The following ADAD2 variants were observed in gnomAD, a reference collection of about 807,000 sequenced individuals.
The protein encoded by ADAD2 is adenosine deaminase domain containing 2.
ADAD2 carries 60 observed loss-of-function variants against 54.5 expected under a neutral mutation model. That is an observed-to-expected ratio of 1.10 (90% CI 0.89 to 1.36). The LOEUF (loss-of-function observed/expected upper bound fraction) is 1.36. Among genes scored for constraint, ADAD2 ranks in the 40% most tolerant of loss-of-function variants. ADAD2 has a pLI of 0.00. For synonymous variants in ADAD2, 543 were observed against 366.2 expected (o/e 1.48, Z -5.51); for missense variants, 1,103 against 801.3 (o/e 1.38, Z -4.54).
chr16:84,195,616 GA>G lies in ADAD2; in HGVS notation c.972del (p.Pro326HisfsTer51). ...GTGCTGGCCCCCCAGCCAGGGCCCG[GA>G]CCCCCATTCACCCTCAAGCCCCGCG... is the stretch of plus-strand genomic sequence containing the variant. ...QSVLAPQPGPGPPFTLKPRVF... is the reference protein window; with the variant it reads ...QSVLAPQPGPXPPFTLKPRVF... On this transcript the variant is annotated frameshift_variant, in exon 6 of 10. Coordinates refer to ENST00000315906, the MANE Select transcript of ADAD2 (RefSeq NM_001145400.2). LOFTEE classifies it high-confidence loss of function. 1 of 1,605,016 alleles carries G rather than the reference GA, an allele frequency of 6.2e-7. No individual in the cohort carries two copies. Among genetic ancestry groups the G allele is most frequent in the Non-Finnish European group, 8.5e-7 (1 of 1,176,068 alleles).
rs1453708455 is a variant in ADAD2 at position 84,196,280 on chromosome 16, C to G, written c.1436C>G (p.Pro479Arg). ...CCGGTGGCCCCTTCCGAACCCACCC[C>G]TGACACCTGCCGTGGCCTGAGCCTC... ...GPPVAPSEPTPDTCRGLSLNW... is the reference protein window; with the variant it reads ...GPPVAPSEPTRDTCRGLSLNW... The change falls in exon 8 of 10, where the codon CCT (proline) becomes CGT (arginine). Residue 479 changes from proline (P) to arginine (R), a missense_variant. Physicochemically the swap from Pro to Arg is moderately radical, Grantham distance 103. Transcript: ENST00000315906. 5.0e-6 allele frequency: 8 copies of G among 1,612,948 alleles called. No individual in the cohort carries two copies. Among genetic ancestry groups the G allele is most frequent in the Non-Finnish European group, 5.9e-6 (7 of 1,179,924 alleles).
intron 1 of ADAD2, chr16:84,194,105 G>A (rs2089693091): frequency 6.2e-7 from 1 of 1,614,132 alleles, no homozygotes; most frequent in Non-Finnish European, 8.5e-7. Context: ...AGAACAGGGT[G>A]GCGTGGGCTC....
At position 84,195,705 on chromosome 16, in the gene ADAD2, G is replaced by A. The variant is rs1413192864; in HGVS notation, c.1052+8G>A. On this transcript the variant is annotated splice_region_variant and intron_variant, in intron 6 of 9. Transcript: ENST00000315906. ...CGCGGCCCGTGACATCTAGTATGCA[G>A]GGCCCCCGGGGCAGGCGGGGGATGG... 1 of 1,535,348 alleles carries A rather than the reference G, an allele frequency of 6.5e-7. No individual in the cohort carries two copies. Among genetic ancestry groups the A allele is most frequent in the African/African-American group, 1.4e-5 (1 of 71,628 alleles).
Position 84,191,225 on chromosome 16 carries a change from G to A in ADAD2, c.-6G>A. The A allele has an allele frequency of 6.2e-7, 1 of 1,606,628 alleles. No individual in the cohort carries two copies. Among genetic ancestry groups the A allele is most frequent in the Non-Finnish European group, 8.5e-7 (1 of 1,176,288 alleles). The stretch of plus-strand genomic sequence containing the variant: ...GGCCTAGCGCCTCAGATCTTCGTTG[G>A]CGGCCATGGCTTCGGCTTCTCAGGG... On this transcript the variant is annotated 5_prime_UTR_variant, in exon 1 of 10. Coordinates refer to ENST00000315906, the MANE Select transcript of ADAD2 (RefSeq NM_001145400.2).
Position 84,192,200 on chromosome 16 carries a change from G to A in ADAD2, c.418+552G>A, listed in dbSNP as rs75398818. 5.5e-3 allele frequency among the ~76,000 whole-genome samples: 834 copies of A among 152,186 alleles called. 8 individuals carry two copies. Among genetic ancestry groups the A allele is most frequent in the African/African-American group, 0.019 (787 of 41,516 alleles). ...TACTCTGTTGCCCAGACTGGAATGC[G>A]GTGGAACAAGCTTGCCTCACTGCAG... On this transcript the variant is annotated intron_variant, in intron 1 of 9. Coordinates refer to ENST00000315906, the MANE Select transcript of ADAD2 (RefSeq NM_001145400.2).
chr16:84,194,927 T>C lies in ADAD2; in HGVS notation c.560-6T>C. The C allele has an allele frequency of 6.2e-7, 1 of 1,604,888 alleles. No individual in the cohort carries two copies. Among genetic ancestry groups the C allele is most frequent in the Non-Finnish European group, 8.5e-7 (1 of 1,175,834 alleles). ...CACACCAGCCCGCCCTCCTTGCCTC[T>C]TTCAGAGTCCCCCCAGACCTCCAGC... On this transcript the variant is annotated splice_polypyrimidine_tract_variant and splice_region_variant and intron_variant, in intron 2 of 9. Coordinates refer to ENST00000315906, the MANE Select transcript of ADAD2 (RefSeq NM_001145400.2).
intron 1 of ADAD2, 193 bp from the exon 2 acceptor site, chr16:84,194,249 G>A (rs941017793): frequency 6.4e-7 from 1 of 1,554,172 alleles, no homozygotes; most frequent in African/African-American, 1.4e-5. Context: ...TCAGCGATGG[G>A]TCACAGCCTG....
At position 84,196,892 on chromosome 16, in the gene ADAD2, G is replaced by T. The variant is rs373568054; in HGVS notation, c.1670G>T (p.Arg557Leu). The T allele has an allele frequency of 3.1e-5, 50 of 1,593,412 alleles. No individual in the cohort carries two copies. Among genetic ancestry groups the T allele is most frequent in the Non-Finnish European group, 3.7e-5 (43 of 1,170,750 alleles). The change falls in exon 10 of 10, where the codon CGC becomes CTC. Residue 557 changes from arginine (R) to leucine (L), a missense_variant. By Grantham distance (102) the Arg-to-Leu change is moderately radical. Transcript: ENST00000315906. ...TAGGCTGGGCCCTACCAGGAGGCTC[G>T]CAGGCAGCTGTCTCTCCTCCTGGAC... Reference protein sequence around the residue: ...AAKAGPYQEARRQLSLLLDQQ... With the variant: ...AAKAGPYQEALRQLSLLLDQQ...
At position 84,196,064 on chromosome 16, in the gene ADAD2, T is replaced by G. The variant is rs1285648292; in HGVS notation, c.1282+20T>G. ...TCCTGGGTGAGCACGTGGTGAGGGC[T>G]GGGGGGGTGAGAAGGGAGGGCAGGG... On this transcript the variant is annotated intron_variant, in intron 7 of 9. Transcript: ENST00000315906. 3 of 1,599,098 alleles carry G rather than the reference T, an allele frequency of 1.9e-6. No homozygotes were observed. Among genetic ancestry groups the G allele is most frequent in the South Asian group, 1.1e-5 (1 of 91,070 alleles).
In ADAD2 at chr16:84,195,591, G is replaced by C. The variant is rs766129197; in HGVS notation, c.946G>C (p.Val316Leu). ...QGGPKGKEQSVLAPQPGPGPP... is the reference protein window; with the variant it reads ...QGGPKGKEQSLLAPQPGPGPP... ...GGGCCCCAAGGGCAAGGAGCAGTCC[G>C]TGCTGGCCCCCCAGCCAGGGCCCGG... Residue 316 changes from valine to leucine, a missense_variant, in exon 6 of 10, where the codon GTG (valine) becomes CTG (leucine). Physicochemically the swap from Val to Leu is conservative, Grantham distance 32. Coordinates refer to ENST00000315906, the MANE Select transcript of ADAD2 (RefSeq NM_001145400.2). 1.2e-6 allele frequency: 2 copies of C among 1,604,136 alleles called. No individual in the cohort carries two copies. Among genetic ancestry groups the C allele is most frequent in the Non-Finnish European group, 1.7e-6 (2 of 1,175,676 alleles).
chr16:84,194,182 T>C (rs147514196), intron 1 of ADAD2: 4 of 1,592,196 alleles, frequency 2.5e-6, no homozygotes, highest in African/African-American at 1.3e-5. Context: ...TCTGCTCATC[T>C]GTGAAATGGA....
At chr16:84,196,796 G>A (rs1440470366) in intron 9 of ADAD2, 29 bp downstream of exon 9, 1 of 1,601,588 alleles carries the variant, frequency 6.2e-7, no homozygotes, top group Non-Finnish European at 8.5e-7. Context: ...CCCCGTCCCG[G>A]TCCCTCTCCA....
chr16:84,191,579 G>A lies in ADAD2; in HGVS notation c.349G>A (p.Val117Met), dbSNP rs1188640705. The part of the protein sequence containing the change: ...PLKDPPASQA[V>M]SLLTEYAASL... ...CAAAGACCCACCTGCCAGCCAGGCC[G>A]TGTCCTTGCTCACGGAGTACGCGGC... The change falls in exon 1 of 10, where the codon GTG becomes ATG. Residue 117 changes from valine to methionine, a missense_variant. Coordinates refer to ENST00000315906, the MANE Select transcript of ADAD2 (RefSeq NM_001145400.2). 1.3e-6 allele frequency: 2 copies of A among 1,549,660 alleles called. No individual in the cohort carries two copies. Among genetic ancestry groups the A allele is most frequent in the Non-Finnish European group, 1.7e-6 (2 of 1,146,992 alleles).
intron 1 of ADAD2, chr16:84,193,986 A>G: frequency 6.4e-7 from 1 of 1,551,820 alleles, no homozygotes; most frequent in Non-Finnish European, 8.7e-7. Context: ...AGTAACACCC[A>G]AAATGATACT....
At position 84,195,978 on chromosome 16, in the gene ADAD2, C is replaced by T; in HGVS notation, c.1216C>T (p.Leu406=). ...TGACAAGCTGGCACGCTGGGCCGTG[C>T]TGGGGCTGGGTGGTGCCCTGCTGGC... ...ASDKLARWAV[L]GLGGALLAHL... Residue 406 remains leucine (L), a synonymous_variant, in exon 7 of 10, where the codon CTG becomes TTG. Coordinates refer to ENST00000315906, the MANE Select transcript of ADAD2 (RefSeq NM_001145400.2). 2.3e-5 allele frequency: 36 copies of T among 1,599,028 alleles called. No individual in the cohort carries two copies. Among genetic ancestry groups the T allele is most frequent in the Non-Finnish European group, 3.0e-5 (35 of 1,179,608 alleles).
chr16:84,191,579 G>C lies in ADAD2; in HGVS notation c.349G>C (p.Val117Leu), dbSNP rs1188640705. 6.5e-7 allele frequency: 1 copy of C among 1,549,664 alleles called. No individual in the cohort carries two copies. Among genetic ancestry groups the C allele is most frequent in the Admixed American group, 2.0e-5 (1 of 51,060 alleles). The change falls in exon 1 of 10, where the codon GTG becomes CTG. Residue 117 changes from valine to leucine, a missense_variant. Val to Leu is a conservative substitution (Grantham distance 32). Transcript: ENST00000315906. ...PLKDPPASQA[V>L]SLLTEYAASL... ...CAAAGACCCACCTGCCAGCCAGGCC[G>C]TGTCCTTGCTCACGGAGTACGCGGC...
chr16:84,191,500 G>T lies in ADAD2; in HGVS notation c.270G>T (p.Gln90His). The stretch of plus-strand genomic sequence containing the variant: ...GGGCGTGGGAAAACTTGGGGGAACA[G>T]ATGGGGAAGGCCCCGAGGGTCCCTG... Reference protein sequence around the residue: ...AARAWENLGEQMGKAPRVPVP... With the variant: ...AARAWENLGEHMGKAPRVPVP... Residue 90 changes from glutamine to histidine, a missense_variant, in exon 1 of 10, where the codon CAG becomes CAT. Physicochemically the swap from Gln to His is conservative, Grantham distance 24. Transcript: ENST00000315906. The T allele has an allele frequency of 6.5e-7, 1 of 1,542,604 alleles. No homozygotes were observed. Among genetic ancestry groups the T allele is most frequent in the Non-Finnish European group, 8.7e-7 (1 of 1,145,816 alleles).
intron 1 of ADAD2, chr16:84,192,420 A>AT (rs1352847643): frequency 6.6e-6 from 1 of 152,474 alleles, no homozygotes; most frequent in African/African-American, 2.4e-5. Context: ...AAGTGCTGAG[A>AT]TTACAGGTGT....
In ADAD2 at chr16:84,194,325, G is replaced by C. The variant is rs749919171; in HGVS notation, c.419-117G>C. ...GAGCCTGCTGGAGGAAGGGAAGGGT[G>C]GTGAGGGTCTCATTATTCTGACCGT... On this transcript the variant is annotated intron_variant, in intron 1 of 9. Coordinates refer to ENST00000315906, the MANE Select transcript of ADAD2 (RefSeq NM_001145400.2). 7 of 1,543,518 alleles carry C rather than the reference G, an allele frequency of 4.5e-6. 1 individual carries two copies. In the South Asian group the frequency reaches 8.4e-5, roughly 18 times the overall value.
Sources: gnomAD v4.1 joint callset for allele counts (sites outside exome capture counted in the v4.1 genomes callset) on GRCh38, gnomAD v4.1.1 for gene constraint, MANE v1.5 for transcripts, NCBI Gene and HGNC (gene_info 2026-07-23, HGNC 2026-07-21) for gene names.